Variants in MBD5 observed in about 807,000 individuals in gnomAD.
The protein encoded by MBD5 is methyl-CpG binding domain protein 5.
MBD5 carries 13 observed loss-of-function variants against 117.3 expected under a neutral mutation model. That is an observed-to-expected ratio of 0.11 (90% CI 0.07 to 0.18). The LOEUF (loss-of-function observed/expected upper bound fraction) is 0.18, where lower values mean the gene tolerates loss of function less well. Among genes scored for constraint, MBD5 ranks in the 10% least tolerant of loss-of-function variants. MBD5 has a pLI of 1.00. For synonymous variants in MBD5, 727 were observed against 766.4 expected, an observed-to-expected ratio of 0.95 and a Z score of 0.85; for missense variants, 1,879 against 2,093.8, an observed-to-expected ratio of 0.90 and a Z score of 2.00.
intron 2 of MBD5, among the ~76,000 whole-genome samples, chr2:148,228,815 A>T (rs1007400252): frequency 1.3e-5 from 2 of 152,288 alleles, no homozygotes; most frequent in Non-Finnish European, 2.9e-5. Context: ...CAGAGATTCA[A>T]CTTCTTCCTG....
At chr2:148,100,211 AG>A (rs1316118527) in intron 1 of MBD5, among the ~76,000 whole-genome samples, 1 of 152,156 alleles carries the variant, frequency 6.6e-6, no homozygotes, top group Non-Finnish European at 1.5e-5. Context: ...CCCAGGCTGA[AG>A]GAAGAGTTGG....
chr2:148,183,656 A>G (rs533297481), intron 2 of MBD5, among the ~76,000 whole-genome samples: 17 of 152,088 alleles, frequency 1.1e-4, no homozygotes, highest in Admixed American at 3.3e-4. Context: ...TTATGCCCCT[A>G]TGTTCTCCTT....
At chr2:148,345,595 A>G (rs912028692) in intron 4 of MBD5, among the ~76,000 whole-genome samples, 9 of 139,248 alleles carry the variant, frequency 6.5e-5, no homozygotes, top group Admixed American at 6.4e-4. Context: ...ATATACACGT[A>G]TACACATACA....
chr2:148,124,652 C>T (rs1696847460), intron 1 of MBD5, among the ~76,000 whole-genome samples: 1 of 152,090 alleles, frequency 6.6e-6, no homozygotes, highest in African/African-American at 2.4e-5. Context: ...CTAAGTTGTT[C>T]CTGGAGTGTT....
chr2:148,132,261 T>A (rs1697066721), intron 1 of MBD5, among the ~76,000 whole-genome samples: 1 of 150,942 alleles, frequency 6.6e-6, no homozygotes, highest in African/African-American at 2.4e-5. Context: ...GGTCTGCTCC[T>A]TCACATTTTT....
chr2:148,066,358 C>G (rs1558911165), intron 1 of MBD5, among the ~76,000 whole-genome samples: 1 of 151,948 alleles, frequency 6.6e-6, no homozygotes. Flanking sequence ...CATTGTTTTA[C>G]TAGGTAAATA....
At chr2:148,102,107 T>G (rs1245862651) in intron 1 of MBD5, among the ~76,000 whole-genome samples, 1 of 152,202 alleles carries the variant, frequency 6.6e-6, no homozygotes, top group Non-Finnish European at 1.5e-5. Flanking sequence ...ATATCAAGTT[T>G]TCTGTTCTAA....
intron 3 of MBD5, among the ~76,000 whole-genome samples, chr2:148,323,106 T>C (rs1300618711): frequency 1.3e-5 from 2 of 151,882 alleles, no homozygotes; most frequent in Non-Finnish European, 2.9e-5. Flanking sequence ...TTTGGTTTTT[T>C]GTTCTTGCGA....
At chr2:148,471,449 T>A (rs1167042680) in intron 8 of MBD5, 2 of 152,142 alleles carry the variant, frequency 1.3e-5, no homozygotes, top group Admixed American at 1.3e-4. Context: ...GACATTATTG[T>A]TCACTATGAA....
At chr2:148,279,296 G>A (rs184077555) in intron 3 of MBD5, among the ~76,000 whole-genome samples, 89 of 152,254 alleles carry the variant, frequency 5.8e-4, no homozygotes, top group Non-Finnish European at 6.0e-4. Flanking sequence ...TGGGTGTGGT[G>A]GCATGAGCCT....
intron 10 of MBD5, among the ~76,000 whole-genome samples, chr2:148,486,559 A>G (rs1450961368): frequency 6.6e-6 from 1 of 152,204 alleles, no homozygotes; most frequent in Non-Finnish European, 1.5e-5. Flanking sequence ...CTAAAGACAA[A>G]TGACAACCTG....
chr2:148,216,403 A>G (rs1302346722), intron 2 of MBD5, among the ~76,000 whole-genome samples: 3 of 152,224 alleles, frequency 2.0e-5, no homozygotes, highest in Non-Finnish European at 4.4e-5. Context: ...GACTCCAGAA[A>G]GCAGTGCATT....
At position 148,102,699 on chromosome 2, in the gene MBD5, A is replaced by ATC. The variant is rs1696252187; in HGVS notation, c.-924-76000_-924-75999dup. 2.7e-4 allele frequency among the ~76,000 whole-genome samples: 19 copies of ATC among 71,018 alleles called. No homozygotes were observed. In the South Asian group the frequency reaches 9.8e-3, roughly 37 times the overall value. 46.6% of individuals were successfully genotyped at this position (71,018 alleles called of 152,430 possible). The stretch of plus-strand genomic sequence containing the variant: ...CACACACACACAGAGAGAGAGAGAG[A>ATC]TCACACACACACACACACACACACA... On this transcript the variant is annotated intron_variant, in intron 1 of 13. Transcript: ENST00000642680.
chr2:148,483,428 C>G lies in MBD5; in HGVS notation c.2837C>G (p.Ala946Gly), dbSNP rs1316557900. Reference sequence around the variant, plus strand: ...CTATTAAATATCCTCCAGCCTTCAGCAGGAGAAGGCAAGTCTGAGATCAAC... The same window carrying G: ...CTATTAAATATCCTCCAGCCTTCAGGAGGAGAAGGCAAGTCTGAGATCAAC... ...QNLLNILQPS[A>G]GEGKSEINLH... Residue 946 changes from alanine (A) to glycine (G), a missense_variant, in exon 9 of 14, where the codon GCA (alanine) becomes GGA (glycine). This residue lies in a region of MBD5 where 1,666 missense variants were observed against 1,792.2 expected (regional missense o/e 0.93). Coordinates refer to ENST00000642680, the MANE Select transcript of MBD5 (RefSeq NM_001378120.1). The G allele has an allele frequency of 1.9e-6, 3 of 1,613,916 alleles. No individual in the cohort carries two copies.
intron 2 of MBD5, among the ~76,000 whole-genome samples, chr2:148,180,261 A>G (rs16828388): frequency 0.026 from 3,819 of 149,552 alleles, 98 homozygotes; most frequent in African/African-American, 0.066. Context: ...TGTTTTCTGA[A>G]TTATAATGAT....
chr2:148,069,409 C>T (rs1558912578), intron 1 of MBD5, among the ~76,000 whole-genome samples: 3 of 151,476 alleles, frequency 2.0e-5, no homozygotes, highest in Non-Finnish European at 4.4e-5. Flanking sequence ...TTTGATCAAT[C>T]CACTATTGTT....
chr2:148,348,891 A>G (rs1044903394), intron 4 of MBD5, among the ~76,000 whole-genome samples: 7 of 151,956 alleles, frequency 4.6e-5, no homozygotes, highest in Non-Finnish European at 4.4e-5. Context: ...CAGCCCCTGG[A>G]ATAATGTTTG....
chr2:148,430,866 C>G (rs1465612774), intron 4 of MBD5, among the ~76,000 whole-genome samples: 3 of 152,030 alleles, frequency 2.0e-5, no homozygotes, highest in Admixed American at 6.6e-5. Context: ...TCCTCTTACC[C>G]AACACAATCT....
At chr2:148,116,237 T>TA (rs1191561753) in intron 1 of MBD5, among the ~76,000 whole-genome samples, 1 of 151,682 alleles carries the variant, frequency 6.6e-6, no homozygotes, top group Non-Finnish European at 1.5e-5. Context: ...ATATTGGAAA[T>TA]ATAGAGTTCT....
Sources: gnomAD v4.1 joint callset for allele counts (sites outside exome capture counted in the v4.1 genomes callset) on GRCh38, gnomAD v4.1.1 for gene constraint, gnomAD v4.1.1 regional missense constraint, MANE v1.5 for transcripts, NCBI Gene and HGNC (gene_info 2026-07-23, HGNC 2026-07-21) for gene names.